Variants in ZC3H13 observed in about 807,000 individuals in gnomAD.
The protein encoded by ZC3H13 is zinc finger CCCH-type containing 13.
Under a neutral mutation model 204.1 loss-of-function variants are expected in ZC3H13, and 64 were observed. The ratio of observed to expected loss-of-function variants is 0.31; its 90% CI spans 0.26 to 0.39. The LOEUF is 0.39. Ranked by LOEUF, ZC3H13 falls within the 10% of genes least tolerant of loss-of-function variation. ZC3H13 has a pLI of 1.00. For missense variants in ZC3H13, 1,833 were observed against 2,082.7 expected, an observed-to-expected ratio of 0.88 and a Z score of 2.33; for synonymous variants, 667 against 693.7, an observed-to-expected ratio of 0.96 and a Z score of 0.60.
chr13:46,009,814 A>T (rs1047922824), intron 7 of ZC3H13, among the ~76,000 whole-genome samples: 1 of 152,108 alleles, frequency 6.6e-6, no homozygotes, highest in African/African-American at 2.4e-5. Flanking sequence ...AAAGACAAAA[A>T]TTTTTTGTGT....
Position 45,957,049 on chromosome 13 carries a change from T to C in ZC3H13, c.*78A>G, listed in dbSNP as rs1951310772. On this transcript the variant is annotated 3_prime_UTR_variant, in exon 19 of 19. Transcript: ENST00000679008. Reference sequence around the variant, plus strand: ...TTTCTGCCTTTGTCACTAATGCTTGTCAAACCAAAGAACTTTGCAAAAGAA... The same window carrying C: ...TTTCTGCCTTTGTCACTAATGCTTGCCAAACCAAAGAACTTTGCAAAAGAA... 1.6e-6 allele frequency: 2 copies of C among 1,237,246 alleles called. No homozygotes were observed. The allele number at this position is 1,237,246 out of a possible 1,614,324, so 76.6% of individuals were successfully genotyped here. A position where few individuals can be genotyped will look rare whatever the true frequency, so the allele number is the denominator to read the frequency against.
intron 10 of ZC3H13, among the ~76,000 whole-genome samples, chr13:45,981,086 A>T (rs74072325): frequency 0.015 from 2,238 of 152,200 alleles, 19 homozygotes; most frequent in South Asian, 0.053. Context: ...AATGAAATTT[A>T]AAAAAAAGCT....
intron 3 of ZC3H13, among the ~76,000 whole-genome samples, chr13:46,042,757 T>C (rs1472767660): frequency 3.3e-5 from 5 of 152,060 alleles, no homozygotes; most frequent in Non-Finnish European, 5.9e-5. Context: ...AATAAGTTTC[T>C]TGTATACACA....
intron 16 of ZC3H13, among the ~76,000 whole-genome samples, chr13:45,964,285 A>C (rs1566146587): frequency 6.6e-6 from 1 of 152,204 alleles, no homozygotes; most frequent in African/African-American, 2.4e-5. Context: ...CAAATAACTC[A>C]TTTTAACTCC....
At chr13:45,998,468 AC>A (rs111440496) in intron 8 of ZC3H13, among the ~76,000 whole-genome samples, 24 of 151,946 alleles carry the variant, frequency 1.6e-4, no homozygotes, top group African/African-American at 5.6e-4. Flanking sequence ...ACACAGTGAA[AC>A]CCCATCTCTA....
chr13:46,031,515 G>C (rs538181504), intron 4 of ZC3H13, among the ~76,000 whole-genome samples: 1 of 151,858 alleles, frequency 6.6e-6, no homozygotes, highest in African/African-American at 2.4e-5. Flanking sequence ...CATAGACTGG[G>C]AAAAATAAGC....
At chr13:45,963,788 A>T in intron 17 of ZC3H13, 54 bp downstream of exon 17, 1 of 1,608,266 alleles carries the variant, frequency 6.2e-7, no homozygotes, top group Non-Finnish European at 8.5e-7. Context: ...TCCCCTTCAG[A>T]TGGCATCTTA....
Position 45,969,906 on chromosome 13 carries a change from G to A in ZC3H13, c.2638C>T (p.His880Tyr), listed in dbSNP as rs781407652. 22 of 1,613,570 alleles carry A rather than the reference G, an allele frequency of 1.4e-5. No homozygotes were observed. The South Asian group carries it at 2.4e-4, about 18-fold the overall frequency. The change falls in exon 14 of 19, where the codon CAC becomes TAC. Residue 880 changes from histidine to tyrosine, a missense_variant. Around this residue, in one of 5 missense-constraint regions of ZC3H13, gnomAD observed 1,574 missense variants for 1,757.2 expected, o/e 0.90. Coordinates refer to ENST00000679008, the MANE Select transcript of ZC3H13 (RefSeq NM_001330564.2). ...PQESRSLSPS[H>Y]LTEDRQGRWK... is the part of the protein sequence containing the mutation. Reference sequence around the variant, plus strand: ...CTACCCTGTCTGTCTTCTGTGAGGTGCGAGGGACTAAGAGAACGAGATTCT... The same window carrying A: ...CTACCCTGTCTGTCTTCTGTGAGGTACGAGGGACTAAGAGAACGAGATTCT...
chr13:45,993,495 C>T (rs1425191585), intron 8 of ZC3H13, among the ~76,000 whole-genome samples: 1 of 152,054 alleles, frequency 6.6e-6, no homozygotes, highest in Non-Finnish European at 1.5e-5. Context: ...CCAAGTGGAA[C>T]CACAATTTAT....
rs199639834 is a variant in ZC3H13 at position 46,042,186 on chromosome 13, T to G, written c.317A>C (p.Glu106Ala). Residue 106 changes from glutamate (E) to alanine (A), a missense_variant, in exon 4 of 19, where the codon GAG becomes GCG. Coordinates refer to ENST00000679008, the MANE Select transcript of ZC3H13 (RefSeq NM_001330564.2). ...TACCCTAACAGGTGAGGATGACTCC[T>G]CTGTATTTCGTTTCTGGGGCTCAGT... Reference protein sequence around the residue: ...VDTEPQKRNTEESSSPVRKES... With the variant: ...VDTEPQKRNTAESSSPVRKES... 23 of 1,613,466 alleles carry G rather than the reference T, an allele frequency of 1.4e-5. No homozygotes were observed. In the African/African-American group the frequency reaches 2.7e-4, roughly 19 times the overall value.
intron 4 of ZC3H13, among the ~76,000 whole-genome samples, chr13:46,022,891 C>T (rs951490951): frequency 2.8e-5 from 4 of 140,742 alleles, no homozygotes; most frequent in African/African-American, 1.0e-4. Context: ...GGTTTTGCTC[C>T]CAAATGTCTG....
At chr13:46,015,164 T>C (rs1212428770) in intron 5 of ZC3H13, among the ~76,000 whole-genome samples, 8 of 152,156 alleles carry the variant, frequency 5.3e-5, no homozygotes, top group African/African-American at 9.7e-5. Context: ...AAACCCCCAC[T>C]TGAAAACATT....
chr13:46,010,468 G>A lies in ZC3H13; in HGVS notation c.626C>T (p.Ser209Leu). 2 of 1,613,712 alleles carry A rather than the reference G, an allele frequency of 1.2e-6. No homozygotes were observed. The highest frequency in any genetic ancestry group is 1.7e-6 in the Non-Finnish European group (2 of 1,179,706). The part of the protein sequence containing the change: ...PEVVRSKLSP[S>L]PSLRKSSKSP... Reference sequence around the variant, plus strand: ...TTTGCTAGACTTTCTTAGAGAAGGTGACGGGGACAATTTTGATCTAACCAC... The same window carrying A: ...TTTGCTAGACTTTCTTAGAGAAGGTAACGGGGACAATTTTGATCTAACCAC... Residue 209 changes from serine (S) to leucine (L), a missense_variant, in exon 7 of 19, where the codon TCA becomes TTA. Coordinates refer to ENST00000679008, the MANE Select transcript of ZC3H13 (RefSeq NM_001330564.2).
intron 5 of ZC3H13, among the ~76,000 whole-genome samples, chr13:46,014,493 G>T (rs2041789959): frequency 6.6e-6 from 1 of 152,148 alleles, no homozygotes; most frequent in Non-Finnish European, 1.5e-5. Context: ...ATAAATACTT[G>T]TGAATTGCCT....
intron 4 of ZC3H13, among the ~76,000 whole-genome samples, chr13:46,032,379 A>AAC (rs1491059371): frequency 7.5e-6 from 1 of 132,868 alleles, no homozygotes; most frequent in Non-Finnish European, 1.6e-5. Flanking sequence ...AAAAAAAAAA[A>AAC]CAGAGAAAAT....
chr13:45,968,822 A>G lies in ZC3H13; in HGVS notation c.3722T>C (p.Leu1241Pro), dbSNP rs1248124466. The G allele has an allele frequency of 1.2e-6, 2 of 1,613,812 alleles. No individual in the cohort carries two copies. The highest frequency in any genetic ancestry group is 1.1e-5 in the South Asian group (1 of 91,032). ...GSRDREKTKS[L>P]EITGERKSRI... ...AGATTTTCTCTCTCCTGTGATTTCC[A>G]GGCTTTTTGTTTTTTCTCTATCTCT... The change falls in exon 14 of 19, where the codon CTG becomes CCG. Residue 1241 changes from leucine (L) to proline (P), a missense_variant. Leu to Pro is a moderately conservative substitution (Grantham distance 98, BLOSUM62 -3). Transcript: ENST00000679008.
chr13:46,036,183 T>C (rs1383189020), intron 4 of ZC3H13, among the ~76,000 whole-genome samples: 1 of 149,918 alleles, frequency 6.7e-6, no homozygotes, highest in Non-Finnish European at 1.5e-5. Flanking sequence ...ATAGGGGATG[T>C]CGGGGGGCAG....
chr13:46,034,790 C>T (rs1308840880), intron 4 of ZC3H13, among the ~76,000 whole-genome samples: 1 of 151,788 alleles, frequency 6.6e-6, no homozygotes, highest in Non-Finnish European at 1.5e-5. Flanking sequence ...ACAAAGATCA[C>T]CCACAAGCTA....
chr13:46,030,050 C>G (rs528416910), intron 4 of ZC3H13, among the ~76,000 whole-genome samples: 1 of 152,202 alleles, frequency 6.6e-6, no homozygotes, highest in East Asian at 1.9e-4. Context: ...AGAATTTATC[C>G]TAGGTATGCA....
Sources: gnomAD v4.1 joint callset for allele counts (sites outside exome capture counted in the v4.1 genomes callset) on GRCh38, gnomAD v4.1.1 for gene constraint, gnomAD v4.1.1 regional missense constraint, MANE v1.5 for transcripts, NCBI Gene and HGNC (gene_info 2026-07-23, HGNC 2026-07-21) for gene names.